PNOC: variants seen among roughly 807,000 people sequenced by gnomAD.
PNOC encodes nociceptin.
PNOC carries 10 observed loss-of-function variants against 15.6 expected under a neutral mutation model. The observed-to-expected ratio is 0.64, with a 90% CI of 0.40 to 1.09. The LOEUF (loss-of-function observed/expected upper bound fraction) is 1.09. Ranked by LOEUF, PNOC falls within the 50% of genes least tolerant of loss-of-function variation. The pLI is 0.01. For missense variants in PNOC, 220 were observed against 223.9 expected, an observed-to-expected ratio of 0.98 and a Z score of 0.11; for synonymous variants, 98 against 88.5, an observed-to-expected ratio of 1.11 and a Z score of -0.60.
intron 2 of PNOC, among the ~76,000 whole-genome samples, chr8:28,335,577 GAGTGCAGTGGTAC>G (rs1801397722): frequency 6.6e-6 from 1 of 152,086 alleles, no homozygotes; most frequent in South Asian, 2.1e-4. Flanking sequence ...GCCCAGGCTG[GAGTGCAGTGGTAC>G]AGTCTCGGTT....
rs939953307 is a variant in PNOC at position 28,342,950 on chromosome 8, G to A, written c.*56G>A. On this transcript the variant is annotated 3_prime_UTR_variant, in exon 4 of 4. Transcript: ENST00000301908. ...CATTTCTGTCTCCCCAGGCGTCCAGGTGATCCCCCAAACAGCATGTGCTCA... is the reference window on the plus strand; with the variant it reads ...CATTTCTGTCTCCCCAGGCGTCCAGATGATCCCCCAAACAGCATGTGCTCA... 1.0e-5 allele frequency: 10 copies of A among 984,978 alleles called. No individual in the cohort carries two copies. The highest frequency in any genetic ancestry group is 1.2e-5 in the Non-Finnish European group (10 of 829,624). The allele number at this position is 984,978 out of a possible 1,614,324, so 61.0% of individuals were successfully genotyped here. A position where few individuals can be genotyped will look rare whatever the true frequency, so the allele number is the denominator to read the frequency against.
intron 2 of PNOC, chr8:28,338,591 C>T (rs1801454754): frequency 2.0e-6 from 2 of 988,696 alleles, no homozygotes; most frequent in Non-Finnish European, 2.4e-6. Flanking sequence ...GATTTGACTA[C>T]ATACTTTCAC....
intron 1 of PNOC, among the ~76,000 whole-genome samples, chr8:28,327,809 C>T (rs537443855): frequency 1.3e-5 from 2 of 152,040 alleles, no homozygotes; most frequent in East Asian, 3.9e-4. Flanking sequence ...AGCCACTCTG[C>T]CCTGCCAACA....
intron 2 of PNOC, among the ~76,000 whole-genome samples, chr8:28,333,117 C>T (rs1801355145): frequency 6.6e-6 from 1 of 152,210 alleles, no homozygotes; most frequent in African/African-American, 2.4e-5. Context: ...GATATTCTAG[C>T]AGGACCTCAC....
At chr8:28,327,918 T>C (rs1466524305) in intron 1 of PNOC, among the ~76,000 whole-genome samples, 1 of 152,052 alleles carries the variant, frequency 6.6e-6, no homozygotes, top group Non-Finnish European at 1.5e-5. Flanking sequence ...GGCTCTTAGA[T>C]TTTGCCTTCT....
intron 2 of PNOC, among the ~76,000 whole-genome samples, chr8:28,332,245 C>G (rs1337787132): frequency 6.6e-6 from 1 of 152,160 alleles, no homozygotes; most frequent in Non-Finnish European, 1.5e-5. Context: ...AATGAAATGC[C>G]TAGAATGTAG....
chr8:28,338,468 T>A, intron 2 of PNOC: 1 of 442,706 alleles, frequency 2.3e-6, no homozygotes, highest in Non-Finnish European at 3.0e-6. Context: ...CCACAGGGTC[T>A]TGACCCCATT....
At chr8:28,335,242 A>T (rs1801392876) in intron 2 of PNOC, among the ~76,000 whole-genome samples, 1 of 152,164 alleles carries the variant, frequency 6.6e-6, no homozygotes, top group African/African-American at 2.4e-5. Context: ...AATTGCCACC[A>T]ATTCATATTG....
intron 2 of PNOC, among the ~76,000 whole-genome samples, chr8:28,337,749 ATT>A (rs34374836): frequency 2.1e-5 from 3 of 139,994 alleles, no homozygotes; most frequent in Non-Finnish European, 3.1e-5. Flanking sequence ...CGCCCAGCTA[ATT>A]TTTTTTTTTT....
chr8:28,336,379 G>T (rs1801411987), intron 2 of PNOC, among the ~76,000 whole-genome samples: 1 of 152,208 alleles, frequency 6.6e-6, no homozygotes, highest in Non-Finnish European at 1.5e-5. Flanking sequence ...AGTGATTCTT[G>T]CCAGGGAACT....
rs762034105 is a variant in PNOC, at chr8:28,329,269, A to C, written c.112A>C (p.Ser38Arg). ...GGAGAAGCTCCACCCAGCCCTGGAC[A>C]GCTTCGACCTGGAGGTAGGTCTCCA... ...CQEKLHPALDSFDLEVCILEC... is the reference protein window; with the variant it reads ...CQEKLHPALDRFDLEVCILEC... Residue 38 changes from serine (S) to arginine (R), a missense_variant, in exon 2 of 4, where the codon AGC becomes CGC. By Grantham distance (110) the Ser-to-Arg change is moderately radical (BLOSUM62 -1). Transcript: ENST00000301908. 2.5e-6 allele frequency: 4 copies of C among 1,613,674 alleles called. No individual in the cohort carries two copies. Among genetic ancestry groups the C allele is most frequent in the Non-Finnish European group, 3.4e-6 (4 of 1,180,014 alleles).
chr8:28,341,696 G>A (rs893915302), intron 3 of PNOC, among the ~76,000 whole-genome samples: 2 of 152,236 alleles, frequency 1.3e-5, no homozygotes, highest in African/African-American at 4.8e-5. Context: ...GCTTCTGTCT[G>A]TGGCTCTGCT....
rs571835488 is a variant in PNOC, at chr8:28,334,551, G to A, written c.127-4489G>A. 2.8e-4 allele frequency among the ~76,000 whole-genome samples: 42 copies of A among 152,182 alleles called. No individual in the cohort carries two copies. The East Asian group carries it at 6.8e-3, about 24-fold the overall frequency. On this transcript the variant is annotated intron_variant, in intron 2 of 3. Coordinates refer to ENST00000301908, the MANE Select transcript of PNOC (RefSeq NM_006228.5). Reference sequence around the variant, plus strand: ...GTTCTGTCACCAAGGCTGGAGTGCAGTACAGCAATCTCAGCTCACTGCAGC... The same window carrying A: ...GTTCTGTCACCAAGGCTGGAGTGCAATACAGCAATCTCAGCTCACTGCAGC...
chr8:28,339,445 C>T lies in PNOC; in HGVS notation c.*1C>T. 1 of 1,524,240 alleles carries T rather than the reference C, an allele frequency of 6.6e-7. No individual in the cohort carries two copies. Among genetic ancestry groups the T allele is most frequent in the Non-Finnish European group, 8.8e-7 (1 of 1,133,256 alleles). The allele number at this position is 1,524,240 out of a possible 1,614,324, so 94.4% of individuals were successfully genotyped here. A position where few individuals can be genotyped will look rare whatever the true frequency, so the allele number is the denominator to read the frequency against. ...CCTGCACCAGAATGGTAATGTGTAG[C>T]CGGAAGGGGCGCTCCTCCCAGCTGT... On this transcript the variant is annotated 3_prime_UTR_variant, in exon 3 of 4. Transcript: ENST00000301908.
At position 28,342,930 on chromosome 8, in the gene PNOC, C is replaced by G. The variant is rs919937058; in HGVS notation, c.*48-12C>G. 3.1e-6 allele frequency: 3 copies of G among 980,508 alleles called. No individual in the cohort carries two copies. In the African/African-American group the frequency reaches 5.2e-5, roughly 17 times the overall value. 60.7% of individuals were successfully genotyped at this position (980,508 alleles called of 1,614,324 possible). A position where few individuals can be genotyped will look rare whatever the true frequency, so the allele number is the denominator to read the frequency against. On this transcript the variant is annotated splice_polypyrimidine_tract_variant and intron_variant, in intron 3 of 3. Coordinates refer to ENST00000301908, the MANE Select transcript of PNOC (RefSeq NM_006228.5). The stretch of plus-strand genomic sequence containing the variant: ...CAGGTTTGCCATTTTTTAACCATTT[C>G]TGTCTCCCCAGGCGTCCAGGTGATC...
chr8:28,339,980 G>A (rs909169690), intron 3 of PNOC: 2 of 152,374 alleles, frequency 1.3e-5, no homozygotes, highest in Non-Finnish European at 2.9e-5. Context: ...CTCTCAGGGT[G>A]CCTGGCTCCA....
intron 1 of PNOC, among the ~76,000 whole-genome samples, chr8:28,328,106 CAA>C (rs1801257203): frequency 8.3e-6 from 1 of 119,830 alleles, no homozygotes; most frequent in African/African-American, 3.3e-5. Flanking sequence ...CTCACTCTGT[CAA>C]CCAGGCTGGT....
intron 2 of PNOC, among the ~76,000 whole-genome samples, chr8:28,329,712 G>C (rs1347345645): frequency 1.3e-5 from 2 of 151,806 alleles, no homozygotes; most frequent in Non-Finnish European, 2.9e-5. Flanking sequence ...GTCTACAGTT[G>C]GCCCTTGGTA....
rs904534730 is a variant in PNOC, at chr8:28,318,283, A to T, written c.-24+967A>T. ...TTCAAGTAAGGCAGGATGATTCGGGAAATGGACTATTTAAAGCAAGCTGCT... is the reference window on the plus strand; with the variant it reads ...TTCAAGTAAGGCAGGATGATTCGGGTAATGGACTATTTAAAGCAAGCTGCT... On this transcript the variant is annotated intron_variant, in intron 1 of 3. Transcript: ENST00000301908. Among the ~76,000 whole-genome samples, 22 of 152,286 alleles carry T rather than the reference A, an allele frequency of 1.4e-4. 1 individual carries two copies. The highest frequency in any genetic ancestry group is 1.2e-3 in the Admixed American group (19 of 15,292).
Sources: allele counts gnomAD v4.1 joint callset (sites outside exome capture counted in the v4.1 genomes callset), GRCh38; gene constraint gnomAD v4.1.1; transcripts MANE v1.5; gene names NCBI Gene and HGNC (gene_info 2026-07-23, HGNC 2026-07-21).